The following KCNQ1OT1 variants were observed in gnomAD, a reference collection of about 807,000 sequenced individuals.
The protein encoded by KCNQ1OT1 is KCNQ1 opposite strand/antisense transcript 1.
rs1390614698 is a variant in KCNQ1OT1, at chr11:2,671,252, T to C, written n.28743A>G. 8 of 398,516 alleles carry C rather than the reference T, an allele frequency of 2.0e-5. No individual in the cohort carries two copies. Among genetic ancestry groups the C allele is most frequent in the Non-Finnish European group, 3.5e-5 (8 of 226,096 alleles). The allele number at this position is 398,516 out of a possible 1,614,324, so 24.7% of individuals were successfully genotyped here. A position where few individuals can be genotyped will look rare whatever the true frequency, so the allele number is the denominator to read the frequency against. The stretch of plus-strand genomic sequence containing the variant: ...GTCCAGGTCTGACCTCAAAATCCGA[T>C]GTCCCCACCATCCCCAGCCCCTTAG... On this transcript the variant is annotated non_coding_transcript_exon_variant, in exon 1 of 1. Coordinates refer to ENST00000597346, the Ensembl canonical transcript of KCNQ1OT1. This position sits in a 1 kb window ranked among gnomAD's most constrained non-coding sequence, Gnocchi z 4.7.
Position 2,613,953 on chromosome 11 carries a change from A to G in KCNQ1OT1, n.86042T>C, listed in dbSNP as rs1464315320. The G allele has an allele frequency of 1.0e-5, 4 of 398,614 alleles. No homozygotes were observed. The highest frequency in any genetic ancestry group is 8.8e-5 in the Admixed American group (2 of 22,746). 24.7% of individuals were successfully genotyped at this position (398,614 alleles called of 1,614,324 possible). ...TGAACTTTGCTTTTCTCACCTAACAACATCTCCTAGAAATCACTCAACATC... is the reference window on the plus strand; with the variant it reads ...TGAACTTTGCTTTTCTCACCTAACAGCATCTCCTAGAAATCACTCAACATC... On this transcript the variant is annotated non_coding_transcript_exon_variant, in exon 1 of 1. Coordinates refer to ENST00000597346, the Ensembl canonical transcript of KCNQ1OT1. This position sits in a 1 kb window ranked among gnomAD's most constrained non-coding sequence, Gnocchi z 4.8.
At chr11:2,631,145 G>C (rs1006785219) in exon 1 of KCNQ1OT1, 1 of 398,406 alleles carries the variant, frequency 2.5e-6, no homozygotes, top group African/African-American at 2.1e-5. Flanking sequence ...GATATGGGAA[G>C]TTTTCAGCCA....
At chr11:2,665,762 C>T (rs950335609) in exon 1 of KCNQ1OT1, 1 of 398,380 alleles carries the variant, frequency 2.5e-6, no homozygotes, top group African/African-American at 2.1e-5. Flanking sequence ...TGGAGAAGCC[C>T]TAGGATTGCT....
exon 1 of KCNQ1OT1, chr11:2,696,763 AGTC>A (rs1230259983): frequency 2.5e-6 from 1 of 398,608 alleles, no homozygotes; most frequent in African/African-American, 2.1e-5. Flanking sequence ...TTTCCATAAA[AGTC>A]GTCGTCTTTG....
Position 2,677,876 on chromosome 11 carries a change from A to C in KCNQ1OT1, n.22119T>G. 2.5e-6 allele frequency: 1 copy of C among 398,512 alleles called. No homozygotes were observed. Among genetic ancestry groups the C allele is most frequent in the Admixed American group, 4.4e-5 (1 of 22,726 alleles). The allele number at this position is 398,512 out of a possible 1,614,324, so 24.7% of individuals were successfully genotyped here. The stretch of plus-strand genomic sequence containing the variant: ...TACATCACTTTGACTGCACAAATGC[A>C]CTTTCTTCCCCCACCCTTACCAAGT... On this transcript the variant is annotated non_coding_transcript_exon_variant, in exon 1 of 1. Transcript: ENST00000597346. This position sits in a 1 kb window ranked among gnomAD's most constrained non-coding sequence, Gnocchi z 4.5.
chr11:2,656,226 C>CT (rs1335085367), exon 1 of KCNQ1OT1: 1 of 398,550 alleles, frequency 2.5e-6, no homozygotes, highest in East Asian at 3.6e-5. Flanking sequence ...AGTTTTAGCT[C>CT]TGTCACTTGA....
rs530650386 is a variant in KCNQ1OT1, at chr11:2,625,861, G to A, written n.74134C>T. On this transcript the variant is annotated non_coding_transcript_exon_variant, in exon 1 of 1. Transcript: ENST00000597346. ...TGGGATTACAGGCGTGAGCCACCGT[G>A]CCTGGCCCTTTTGCCCATTTTTCAG... The A allele has an allele frequency of 4.5e-5, 18 of 398,644 alleles. No homozygotes were observed. The South Asian group carries it at 2.2e-3, about 48-fold the overall frequency. The allele number at this position is 398,644 out of a possible 1,614,324, so 24.7% of individuals were successfully genotyped here.
exon 1 of KCNQ1OT1, chr11:2,609,704 T>A (rs1282136004): frequency 2.5e-6 from 1 of 398,262 alleles, no homozygotes; most frequent in African/African-American, 2.1e-5. Flanking sequence ...TAGTTCTCTA[T>A]TGTTAGGTGA....
At position 2,651,294 on chromosome 11, in the gene KCNQ1OT1, C is replaced by T; in HGVS notation, n.48701G>A. 1 of 398,708 alleles carries T rather than the reference C, an allele frequency of 2.5e-6. No individual in the cohort carries two copies. The highest frequency in any genetic ancestry group is 4.4e-5 in the Admixed American group (1 of 22,746). The allele number at this position is 398,708 out of a possible 1,614,324, so 24.7% of individuals were successfully genotyped here. A position where few individuals can be genotyped will look rare whatever the true frequency, so the allele number is the denominator to read the frequency against. ...TATTGAGAAAGAGCTTCATGGTGGG[C>T]AGCTGGGAAGCTGCACAGAACACTC... On this transcript the variant is annotated non_coding_transcript_exon_variant, in exon 1 of 1. Coordinates refer to ENST00000597346, the Ensembl canonical transcript of KCNQ1OT1. The surrounding 1 kb of genome is among the most constrained non-coding windows in gnomAD (Gnocchi z 6.1).
rs890505822 is a variant in KCNQ1OT1, at chr11:2,642,098, A to T, written n.57897T>A. On this transcript the variant is annotated non_coding_transcript_exon_variant, in exon 1 of 1. Transcript: ENST00000597346. The surrounding 1 kb of genome is among the most constrained non-coding windows in gnomAD (Gnocchi z 4.3). ...ATTTTTGCTCAGAATTGCTGTGGCT[A>T]TTCCAGCTCTTTTTTGGTTCCATCT... 1 of 398,466 alleles carries T rather than the reference A, an allele frequency of 2.5e-6. No homozygotes were observed. The highest frequency in any genetic ancestry group is 2.1e-5 in the African/African-American group (1 of 48,750). The allele number at this position is 398,466 out of a possible 1,614,324, so 24.7% of individuals were successfully genotyped here.
exon 1 of KCNQ1OT1, chr11:2,610,843 G>A (rs1848969614): frequency 2.5e-6 from 1 of 395,372 alleles, no homozygotes; most frequent in Non-Finnish European, 4.4e-6. Context: ...CACCAGAACA[G>A]GGGAGGGTAT....
At position 2,671,800 on chromosome 11, in the gene KCNQ1OT1, C is replaced by G; in HGVS notation, n.28195G>C. On this transcript the variant is annotated non_coding_transcript_exon_variant, in exon 1 of 1. Coordinates refer to ENST00000597346, the Ensembl canonical transcript of KCNQ1OT1. The surrounding 1 kb of genome is among the most constrained non-coding windows in gnomAD (Gnocchi z 4.7). ...ATTCTGACCCAGTCAGGGTTCTTCC[C>G]CCAAATAAATCCCTGCAACCCCACT... The G allele has an allele frequency of 2.5e-6, 1 of 398,724 alleles. No individual in the cohort carries two copies. The highest frequency in any genetic ancestry group is 4.4e-6 in the Non-Finnish European group (1 of 226,140). 24.7% of individuals were successfully genotyped at this position (398,724 alleles called of 1,614,324 possible).
At position 2,617,195 on chromosome 11, in the gene KCNQ1OT1, C is replaced by T. The variant is rs1174140433; in HGVS notation, n.82800G>A. ...ACTTGTTCATCCTATATATCTGCTA[C>T]TTGGTATCCTTTGACCTACATCTTT... On this transcript the variant is annotated non_coding_transcript_exon_variant, in exon 1 of 1. Coordinates refer to ENST00000597346, the Ensembl canonical transcript of KCNQ1OT1. This position sits in a 1 kb window ranked among gnomAD's most constrained non-coding sequence, Gnocchi z 4.6. The T allele has an allele frequency of 2.5e-6, 1 of 398,258 alleles. No individual in the cohort carries two copies. The highest frequency in any genetic ancestry group is 4.4e-6 in the Non-Finnish European group (1 of 225,862). 24.7% of individuals were successfully genotyped at this position (398,258 alleles called of 1,614,324 possible). A position where few individuals can be genotyped will look rare whatever the true frequency, so the allele number is the denominator to read the frequency against.
chr11:2,664,159 C>T lies in KCNQ1OT1; in HGVS notation n.35836G>A. ...AAGGCCTCTCTCAGAGCAGGCTGTTCCAAAAGTGGCTGCTAGATATGAGCC... is the reference window on the plus strand; with the variant it reads ...AAGGCCTCTCTCAGAGCAGGCTGTTTCAAAAGTGGCTGCTAGATATGAGCC... On this transcript the variant is annotated non_coding_transcript_exon_variant, in exon 1 of 1. Coordinates refer to ENST00000597346, the Ensembl canonical transcript of KCNQ1OT1. The surrounding 1 kb of genome is among the most constrained non-coding windows in gnomAD (Gnocchi z 5.1). 2.5e-6 allele frequency: 1 copy of T among 398,688 alleles called. No individual in the cohort carries two copies. The highest frequency in any genetic ancestry group is 4.4e-6 in the Non-Finnish European group (1 of 226,166). 24.7% of individuals were successfully genotyped at this position (398,688 alleles called of 1,614,324 possible).
rs1849600790 is a variant in KCNQ1OT1, at chr11:2,642,814, C to T, written n.57181G>A. The T allele has an allele frequency of 1.3e-5, 5 of 397,544 alleles. No homozygotes were observed. The Admixed American group carries it at 1.3e-4, about 11-fold the overall frequency. The allele number at this position is 397,544 out of a possible 1,614,324, so 24.6% of individuals were successfully genotyped here. ...GAGGCATTTATTACAATAAACTTTC[C>T]TCTTAGCATTGCTTTTGCAGTATCC... On this transcript the variant is annotated non_coding_transcript_exon_variant, in exon 1 of 1. Coordinates refer to ENST00000597346, the Ensembl canonical transcript of KCNQ1OT1. The surrounding 1 kb of genome is among the most constrained non-coding windows in gnomAD (Gnocchi z 4.3).
exon 1 of KCNQ1OT1, chr11:2,649,156 T>A: frequency 2.5e-6 from 1 of 398,348 alleles, no homozygotes; most frequent in Non-Finnish European, 4.4e-6. Flanking sequence ...TTTATTTTTT[T>A]AATTCATTTA....
chr11:2,655,798 G>A (rs888984957), exon 1 of KCNQ1OT1: 7 of 398,330 alleles, frequency 1.8e-5, no homozygotes, highest in Admixed American at 4.4e-5. Flanking sequence ...GAGAAAGCAC[G>A]CCCCACAGTC....
chr11:2,650,887 G>T (rs1849746530), exon 1 of KCNQ1OT1: 1 of 398,516 alleles, frequency 2.5e-6, no homozygotes, highest in South Asian at 1.3e-4. Flanking sequence ...GGGATGAGGA[G>T]CAGCATGCTA....
Position 2,673,698 on chromosome 11 carries a change from G to T in KCNQ1OT1, n.26297C>A. ...TTTCCTATAAATGTTTAATTCCTGA[G>T]GTTGCTGAATCTCAGGGCTTGGAAG... On this transcript the variant is annotated non_coding_transcript_exon_variant, in exon 1 of 1. Coordinates refer to ENST00000597346, the Ensembl canonical transcript of KCNQ1OT1. This position sits in a 1 kb window ranked among gnomAD's most constrained non-coding sequence, Gnocchi z 4.5. 2.5e-6 allele frequency: 1 copy of T among 398,614 alleles called. No individual in the cohort carries two copies. Among genetic ancestry groups the T allele is most frequent in the South Asian group, 1.3e-4 (1 of 7,850 alleles). 24.7% of individuals were successfully genotyped at this position (398,614 alleles called of 1,614,324 possible).
Sources: allele counts gnomAD v4.1 joint callset, GRCh38; gene constraint gnomAD v4.1.1; non-coding constraint Gnocchi (gnomAD v3.1); transcripts MANE v1.5; gene names NCBI Gene and HGNC (gene_info 2026-07-23, HGNC 2026-07-21).